The following KPNA4 variants were observed in gnomAD, a reference collection of about 807,000 sequenced individuals.
The protein encoded by KPNA4 is importin subunit alpha-3.
KPNA4 carries 13 observed loss-of-function variants against 71.3 expected under a neutral mutation model. That is an observed-to-expected ratio of 0.18 (90% CI 0.12 to 0.29). The LOEUF is 0.29. KPNA4 is among the 10% of genes least tolerant of loss of function. The pLI, the probability that KPNA4 is intolerant of heterozygous loss-of-function variation, is 1.00. For missense variants in KPNA4, 334 were observed against 603.2 expected (o/e 0.55, Z 4.67); for synonymous variants, 189 against 195.2 (o/e 0.97, Z 0.26).
chr3:160,565,379 A>G lies in KPNA4; in HGVS notation c.-97T>C. 2 of 1,012,010 alleles carry G rather than the reference A, an allele frequency of 2.0e-6. No homozygotes were observed. The highest frequency in any genetic ancestry group is 2.9e-5 in the South Asian group (2 of 69,266). The allele number at this position is 1,012,010 out of a possible 1,614,324, so 62.7% of individuals were successfully genotyped here. On this transcript the variant is annotated 5_prime_UTR_variant, in exon 1 of 17. Coordinates refer to ENST00000334256, the MANE Select transcript of KPNA4 (RefSeq NM_002268.5). ...CTCCCAGGAACCGGGCCGCCGCCTGAGCTGCTGTGCCCGCCGCGCCGCCGC... is the reference window on the plus strand; with the variant it reads ...CTCCCAGGAACCGGGCCGCCGCCTGGGCTGCTGTGCCCGCCGCGCCGCCGC...
In KPNA4 at chr3:160,499,549, C is replaced by G. The variant is rs1720836725; in HGVS notation, c.*2555G>C. 6.6e-6 allele frequency: 1 copy of G among 151,074 alleles called. No homozygotes were observed. The highest frequency in any genetic ancestry group is 2.4e-5 in the African/African-American group (1 of 41,146). The allele number at this position is 151,074 out of a possible 1,614,324, so 9.4% of individuals were successfully genotyped here. A position where few individuals can be genotyped will look rare whatever the true frequency, so the allele number is the denominator to read the frequency against. On this transcript the variant is annotated 3_prime_UTR_variant, in exon 17 of 17. Transcript: ENST00000334256. ...ACTGTCAACTGTACTGAATCAATTT[C>G]AGAGACAGAAAAGCCCTTCCCAGAA... is the stretch of plus-strand genomic sequence containing the variant.
Position 160,500,338 on chromosome 3 carries a change from T to C in KPNA4, c.*1766A>G, listed in dbSNP as rs1720852044. Reference sequence around the variant, plus strand: ...ACTCTAGTTCAACAAAGAGTTATGATCACAAAATAATTTTTATCCATTCTA... The same window carrying C: ...ACTCTAGTTCAACAAAGAGTTATGACCACAAAATAATTTTTATCCATTCTA... On this transcript the variant is annotated 3_prime_UTR_variant, in exon 17 of 17. Coordinates refer to ENST00000334256, the MANE Select transcript of KPNA4 (RefSeq NM_002268.5). 6.6e-6 allele frequency: 1 copy of C among 152,606 alleles called. No individual in the cohort carries two copies. The highest frequency in any genetic ancestry group is 2.1e-4 in the South Asian group (1 of 4,834). The allele number at this position is 152,606 out of a possible 1,614,324, so 9.5% of individuals were successfully genotyped here.
At position 160,515,587 on chromosome 3, in the gene KPNA4, T is replaced by G. The variant is rs772432397; in HGVS notation, c.904-7A>C. The G allele has an allele frequency of 2.5e-6, 4 of 1,610,030 alleles. No homozygotes were observed. Among genetic ancestry groups the G allele is most frequent in the Non-Finnish European group, 3.4e-6 (4 of 1,178,350 alleles). On this transcript the variant is annotated splice_region_variant and splice_polypyrimidine_tract_variant and intron_variant, in intron 11 of 16. Coordinates refer to ENST00000334256, the MANE Select transcript of KPNA4 (RefSeq NM_002268.5). ...CAGCTCTAAGTGCAGCAGTCTGAAATGCACAATGAGATGACATTCTATGTG... is the reference window on the plus strand; with the variant it reads ...CAGCTCTAAGTGCAGCAGTCTGAAAGGCACAATGAGATGACATTCTATGTG...
At chr3:160,533,771 C>G (rs567992126) in intron 5 of KPNA4, among the ~76,000 whole-genome samples, 1 of 152,246 alleles carries the variant, frequency 6.6e-6, no homozygotes, top group South Asian at 2.1e-4. Context: ...TTTTGAAAAT[C>G]AGTTTGCTCT....
chr3:160,521,705 G>T, intron 11 of KPNA4, 74 bp downstream of exon 11: 1 of 1,312,334 alleles, frequency 7.6e-7, no homozygotes, highest in Non-Finnish European at 1.1e-6. Context: ...TACTGAAATT[G>T]TCCATCTTTG....
intron 7 of KPNA4, among the ~76,000 whole-genome samples, chr3:160,529,840 T>C (rs996016371): frequency 6.6e-6 from 1 of 152,026 alleles, no homozygotes; most frequent in South Asian, 2.1e-4. Context: ...CTTTAAAATA[T>C]ATGATATGGC....
At chr3:160,559,838 G>A (rs768750606) in intron 1 of KPNA4, among the ~76,000 whole-genome samples, 4 of 151,882 alleles carry the variant, frequency 2.6e-5, no homozygotes, top group Admixed American at 1.3e-4. Flanking sequence ...ATTAAGACCC[G>A]AAAAAAAGGT....
chr3:160,514,002 T>C (rs1577048113), intron 13 of KPNA4, 75 bp downstream of exon 13: 1 of 807,016 alleles, frequency 1.2e-6, no homozygotes, highest in East Asian at 3.1e-5. Context: ...AAAGTATAAA[T>C]TCACATAATG....
At chr3:160,504,114 C>G (rs1720937169) in intron 16 of KPNA4, among the ~76,000 whole-genome samples, 1 of 152,098 alleles carries the variant, frequency 6.6e-6, no homozygotes, top group Admixed American at 6.5e-5. Context: ...AATTTTATTT[C>G]TGGTTTATTT....
intron 7 of KPNA4, among the ~76,000 whole-genome samples, chr3:160,529,932 G>A (rs930255527): frequency 3.3e-5 from 5 of 150,272 alleles, no homozygotes; most frequent in East Asian, 2.0e-4. Context: ...GATCGAGACC[G>A]AGACCATCCT....
At chr3:160,541,833 C>T (rs1721805553) in intron 1 of KPNA4, among the ~76,000 whole-genome samples, 1 of 152,106 alleles carries the variant, frequency 6.6e-6, no homozygotes, top group Non-Finnish European at 1.5e-5. Context: ...AAGGAGGTAG[C>T]ACTCTTCTGA....
At chr3:160,532,859 T>C (rs1721600103) in intron 5 of KPNA4, among the ~76,000 whole-genome samples, 1 of 152,206 alleles carries the variant, frequency 6.6e-6, no homozygotes, top group Non-Finnish European at 1.5e-5. Flanking sequence ...GTCACAGCAT[T>C]TCAACTGAAA....
chr3:160,521,145 T>C (rs1278477567), intron 11 of KPNA4, among the ~76,000 whole-genome samples: 1 of 151,464 alleles, frequency 6.6e-6, no homozygotes, highest in Non-Finnish European at 1.5e-5. Flanking sequence ...ACTTGCCAGG[T>C]GAGTAAATAA....
chr3:160,538,516 T>C (rs907023550), intron 1 of KPNA4, among the ~76,000 whole-genome samples: 4 of 152,226 alleles, frequency 2.6e-5, no homozygotes, highest in South Asian at 2.1e-4. Context: ...ATTCTACCCA[T>C]AGACTCCAAG....
chr3:160,536,748 A>G (rs1481354284), intron 2 of KPNA4, 48 bp downstream of exon 2: 2 of 1,102,174 alleles, frequency 1.8e-6, no homozygotes, highest in Admixed American at 4.0e-5. Flanking sequence ...TAATGCTATA[A>G]TGTTGTTAGA....
At chr3:160,541,125 T>G (rs1159328417) in intron 1 of KPNA4, among the ~76,000 whole-genome samples, 2 of 152,236 alleles carry the variant, frequency 1.3e-5, no homozygotes, top group Non-Finnish European at 2.9e-5. Flanking sequence ...TCTTTCCACT[T>G]AATTGCTCCT....
chr3:160,538,002 C>A (rs925773385), intron 1 of KPNA4, among the ~76,000 whole-genome samples: 1 of 151,786 alleles, frequency 6.6e-6, no homozygotes, highest in Non-Finnish European at 1.5e-5. Context: ...CAGAGTAATC[C>A]TCATAGGAAG....
chr3:160,541,114 T>A (rs1721788682), intron 1 of KPNA4, among the ~76,000 whole-genome samples: 1 of 151,970 alleles, frequency 6.6e-6, no homozygotes, highest in Non-Finnish European at 1.5e-5. Flanking sequence ...TTCTAGTATT[T>A]TCTTTCCACT....
At chr3:160,541,256 C>T (rs1257556217) in intron 1 of KPNA4, among the ~76,000 whole-genome samples, 1 of 152,046 alleles carries the variant, frequency 6.6e-6, no homozygotes, top group African/African-American at 2.4e-5. Flanking sequence ...AATTACTGTA[C>T]AATTTTGGAT....
Sources: allele counts gnomAD v4.1 joint callset (sites outside exome capture counted in the v4.1 genomes callset), GRCh38; gene constraint gnomAD v4.1.1; transcripts MANE v1.5; gene names NCBI Gene and HGNC (gene_info 2026-07-23, HGNC 2026-07-21).